ASH2L: variants seen among roughly 807,000 people sequenced by gnomAD.
ASH2L encodes the protein ASH2 like, histone lysine methyltransferase complex subunit, also known as set1/Ash2 histone methyltransferase complex subunit ASH2.
A neutral mutation model predicts 81.1 loss-of-function variants in ASH2L; 30 were observed. The observed-to-expected ratio is 0.37, with a 90% CI of 0.28 to 0.50. The LOEUF is 0.50. ASH2L is among the 20% of genes least tolerant of loss of function. The pLI is 0.95. For synonymous variants in ASH2L, 273 were observed against 279.9 expected, an observed-to-expected ratio of 0.98 and a Z score of 0.24; for missense variants, 559 against 792.1, an observed-to-expected ratio of 0.71 and a Z score of 3.53.
chr8:38,137,707 A>G (rs1486701128), intron 14 of ASH2L: 1 of 152,204 alleles, frequency 6.6e-6, no homozygotes, highest in Non-Finnish European at 1.5e-5. Context: ...CAGCCTGGTG[A>G]CAGAGCAAGA....
chr8:38,110,621 C>T (rs1398811432), intron 4 of ASH2L, 118 bp from the exon 5 acceptor site: 10 of 1,129,312 alleles, frequency 8.9e-6, no homozygotes, highest in African/African-American at 1.5e-5. Context: ...TTTCAGGTCA[C>T]ATGATGACTC....
chr8:38,135,754 C>T lies in ASH2L; in HGVS notation c.1707C>T (p.Tyr569=), dbSNP rs759435628. The change falls in exon 14 of 16, where the codon TAC becomes TAT. Residue 569 remains tyrosine, a synonymous_variant. Transcript: ENST00000343823. The part of the protein sequence containing the change: ...EGVYFPAISL[Y]KSCTVSINFG... The stretch of plus-strand genomic sequence containing the variant: ...TTTACTTCCCAGCCATCTCACTGTA[C>T]AAGAGCTGCACGGTACGTACATGTT... 2.5e-6 allele frequency: 4 copies of T among 1,611,938 alleles called. No homozygotes were observed. The East Asian group carries it at 8.9e-5, about 36-fold the overall frequency.
intron 10 of ASH2L, among the ~76,000 whole-genome samples, chr8:38,122,905 A>G (rs997853932): frequency 4.7e-5 from 7 of 149,924 alleles, no homozygotes; most frequent in Non-Finnish European, 1.0e-4. Context: ...CACCACACCT[A>G]GCTGGGTTTT....
At chr8:38,123,107 T>C (rs1460327906) in intron 10 of ASH2L, among the ~76,000 whole-genome samples, 3 of 142,344 alleles carry the variant, frequency 2.1e-5, no homozygotes, top group African/African-American at 7.9e-5. Flanking sequence ...TTTTTTGAGT[T>C]GGAGTCTTGC....
intron 10 of ASH2L, among the ~76,000 whole-genome samples, chr8:38,121,719 G>A (rs941843597): frequency 6.6e-6 from 1 of 152,074 alleles, no homozygotes; most frequent in Non-Finnish European, 1.5e-5. Context: ...TTTGTCTGAT[G>A]TTTTCTCATG....
chr8:38,136,160 C>T (rs1291822252), intron 14 of ASH2L, among the ~76,000 whole-genome samples: 3 of 130,224 alleles, frequency 2.3e-5, no homozygotes, highest in Non-Finnish European at 4.7e-5. Context: ...TGCATAGGCT[C>T]ACCATAGCCT....
rs1033398694 is a variant in ASH2L, at chr8:38,139,204, G to A, written c.*133G>A. The A allele has an allele frequency of 4.2e-6, 3 of 707,616 alleles. No homozygotes were observed. Among genetic ancestry groups the A allele is most frequent in the African/African-American group, 1.8e-5 (1 of 55,882 alleles). The allele number at this position is 707,616 out of a possible 1,614,324, so 43.8% of individuals were successfully genotyped here. ...TCTCCTTTTAGCAAGTTAAAAGGCT[G>A]GGTAGGACTGCGGGAGACTGCCTGC... On this transcript the variant is annotated 3_prime_UTR_variant, in exon 16 of 16. Coordinates refer to ENST00000343823, the MANE Select transcript of ASH2L (RefSeq NM_004674.5).
intron 5 of ASH2L, among the ~76,000 whole-genome samples, chr8:38,112,989 T>C (rs2130490467): frequency 6.6e-6 from 1 of 151,922 alleles, no homozygotes; most frequent in Non-Finnish European, 1.5e-5. Context: ...TTAATTGAGA[T>C]GGAGTCTGGC....
intron 14 of ASH2L, among the ~76,000 whole-genome samples, chr8:38,136,165 T>C (rs1802248761): frequency 7.3e-6 from 1 of 136,100 alleles, no homozygotes; most frequent in Non-Finnish European, 1.6e-5. Flanking sequence ...AGGCTCACCA[T>C]AGCCTTGACC....
At chr8:38,120,858 C>G (rs1811115374) in intron 9 of ASH2L, 74 bp from the exon 10 acceptor site, 1 of 1,281,386 alleles carries the variant, frequency 7.8e-7, no homozygotes, top group South Asian at 1.2e-5. Flanking sequence ...AACCAGAGGC[C>G]TTTCTTACAC....
intron 13 of ASH2L, among the ~76,000 whole-genome samples, chr8:38,134,736 G>A (rs1225436484): frequency 6.6e-6 from 1 of 152,002 alleles, no homozygotes; most frequent in Non-Finnish European, 1.5e-5. Flanking sequence ...ATAAAGAAAC[G>A]AGTTTCAGCT....
At chr8:38,114,021 A>T (rs568591192) in intron 5 of ASH2L, among the ~76,000 whole-genome samples, 171 bp from the exon 6 acceptor site, 1 of 152,364 alleles carries the variant, frequency 6.6e-6, no homozygotes, top group Non-Finnish European at 1.5e-5. Context: ...GCAATGAAAT[A>T]TTCAGAGATT....
chr8:38,120,854 A>G, intron 9 of ASH2L, 78 bp from the exon 10 acceptor site: 1 of 1,184,860 alleles, frequency 8.4e-7, no homozygotes, highest in Admixed American at 1.9e-5. Flanking sequence ...AATAAACCAG[A>G]GGCCTTTCTT....
Position 38,116,724 on chromosome 8 carries a change from T to C in ASH2L, c.852T>C (p.Asn284=), listed in dbSNP as rs763967770. 1.8e-5 allele frequency: 29 copies of C among 1,611,544 alleles called. No homozygotes were observed. Among genetic ancestry groups the C allele is most frequent in the Non-Finnish European group, 2.4e-5 (28 of 1,178,780 alleles). The change falls in exon 8 of 16, where the codon AAT becomes AAC. Residue 284 remains asparagine (N), a splice_region_variant and synonymous_variant. Coordinates refer to ENST00000343823, the MANE Select transcript of ASH2L (RefSeq NM_004674.5). ...SSAVSTSGNL[N]GGIAAGSSGK... ...CTGTGTCTACTAGTGGGAATTTAAA[T>C]GGTAAGTGTTTACATATCTCATTGC... is the stretch of plus-strand genomic sequence containing the variant.
intron 10 of ASH2L, among the ~76,000 whole-genome samples, chr8:38,125,296 G>A (rs894241541): frequency 1.6e-4 from 24 of 152,020 alleles, no homozygotes; most frequent in Non-Finnish European, 3.1e-4. Context: ...ATCACCCTAT[G>A]TACACTAAAA....
In ASH2L at chr8:38,130,684, C is replaced by T. The variant is rs145725274; in HGVS notation, c.1527+1733C>T. On this transcript the variant is annotated intron_variant, in intron 12 of 15. Transcript: ENST00000343823. ...TGCAATCTTGGCTCACTGCAACCTC[C>T]GTCTCATGGGTTCAAGCTGTTCTCC... 2.2e-3 allele frequency among the ~76,000 whole-genome samples: 340 copies of T among 152,048 alleles called. 1 individual carries two copies. The highest frequency in any genetic ancestry group is 7.6e-3 in the African/African-American group (317 of 41,476).
chr8:38,118,806 G>C (rs1188919209), intron 8 of ASH2L, among the ~76,000 whole-genome samples: 1 of 152,180 alleles, frequency 6.6e-6, no homozygotes, highest in Non-Finnish European at 1.5e-5. Context: ...TTTATGGACT[G>C]TATTGTGTAG....
chr8:38,113,820 T>C (rs1810784837), intron 5 of ASH2L, among the ~76,000 whole-genome samples: 1 of 152,202 alleles, frequency 6.6e-6, no homozygotes, highest in Non-Finnish European at 1.5e-5. Flanking sequence ...GAGGTCCCTT[T>C]AGGATGTCCA....
intron 10 of ASH2L, among the ~76,000 whole-genome samples, chr8:38,125,203 C>T (rs1484605758): frequency 6.6e-6 from 1 of 152,172 alleles, no homozygotes; most frequent in African/African-American, 2.4e-5. Flanking sequence ...ACTTTTCACC[C>T]AGATTTTAAC....
Sources: allele counts gnomAD v4.1 joint callset (sites outside exome capture counted in the v4.1 genomes callset), GRCh38; gene constraint gnomAD v4.1.1; transcripts MANE v1.5; gene names NCBI Gene and HGNC (gene_info 2026-07-23, HGNC 2026-07-21).